Variants in MREG observed in about 807,000 individuals in gnomAD.
MREG encodes the protein dilute suppressor protein homolog.
A neutral mutation model predicts 28.5 loss-of-function variants in MREG; 31 were observed. That is an observed-to-expected ratio of 1.09 (90% CI 0.82 to 1.47). The LOEUF is 1.47. Ranked by LOEUF, MREG falls within the 40% of genes most tolerant of loss-of-function variation. The probability of loss-of-function intolerance (pLI) is 0.00; values close to 1 mark genes in which losing one functional copy is unlikely to be tolerated. For missense variants in MREG, 256 were observed against 257.4 expected, an observed-to-expected ratio of 0.99 and a Z score of 0.04; for synonymous variants, 106 against 95.2, an observed-to-expected ratio of 1.11 and a Z score of -0.66.
chr2:216,017,193 G>T (rs1694461740), upstream of MREG, among the ~76,000 whole-genome samples: 1 of 152,174 alleles, frequency 6.6e-6, no homozygotes, highest in Non-Finnish European at 1.5e-5. Context: ...TAAAAGGCGT[G>T]CAGCATCTAT....
intron 1 of MREG, among the ~76,000 whole-genome samples, chr2:216,029,899 T>G (rs1694653853): frequency 1.3e-5 from 2 of 152,162 alleles, no homozygotes; most frequent in African/African-American, 4.8e-5. Flanking sequence ...GCAAACCAAA[T>G]GTTTGTAGCC....
At chr2:216,027,361 A>G (rs1345161098) in intron 1 of MREG, among the ~76,000 whole-genome samples, 1 of 152,230 alleles carries the variant, frequency 6.6e-6, no homozygotes, top group African/African-American at 2.4e-5. Context: ...AAGCTCTCTA[A>G]GAGAAATTTA....
chr2:215,993,028 T>C (rs951370076), intron 2 of MREG, among the ~76,000 whole-genome samples: 1 of 152,238 alleles, frequency 6.6e-6, no homozygotes, highest in South Asian at 2.1e-4. Context: ...CCCATCAAGC[T>C]ACCACTGACT....
At chr2:215,985,174 A>G (rs56389480) in intron 2 of MREG, among the ~76,000 whole-genome samples, 8,604 of 152,288 alleles carry the variant, frequency 0.056, 501 homozygotes, top group African/African-American at 0.15. Context: ...TTTCATTATT[A>G]TTAATATCTT....
At chr2:215,964,171 A>G (rs909350685) in intron 2 of MREG, among the ~76,000 whole-genome samples, 1 of 152,200 alleles carries the variant, frequency 6.6e-6, no homozygotes, top group Non-Finnish European at 1.5e-5. Context: ...TGATACAAAT[A>G]TACCAAGGGG....
intron 1 of MREG, among the ~76,000 whole-genome samples, chr2:216,025,236 C>T (rs781520356): frequency 2.0e-5 from 3 of 152,126 alleles, no homozygotes; most frequent in Non-Finnish European, 4.4e-5. Context: ...CCCACTGATA[C>T]CCAGAAGAGG....
chr2:215,988,706 G>C (rs986894803), intron 2 of MREG, among the ~76,000 whole-genome samples: 2 of 152,198 alleles, frequency 1.3e-5, no homozygotes, highest in South Asian at 2.1e-4. Flanking sequence ...GCTTGGTTGG[G>C]GGAGGGGCAT....
chr2:215,980,561 T>C (rs912162840), intron 2 of MREG, among the ~76,000 whole-genome samples: 2 of 152,236 alleles, frequency 1.3e-5, no homozygotes, highest in Admixed American at 1.3e-4. Context: ...TCAGTGCATC[T>C]ACTTTATGCA....
At chr2:215,980,622 A>C (rs1291397067) in intron 2 of MREG, among the ~76,000 whole-genome samples, 1 of 152,066 alleles carries the variant, frequency 6.6e-6, no homozygotes, top group Non-Finnish European at 1.5e-5. Context: ...TTATTGAGCA[A>C]TTTGGAGGTT....
chr2:215,980,838 CA>C (rs2106000413), intron 2 of MREG, among the ~76,000 whole-genome samples: 1 of 109,514 alleles, frequency 9.1e-6, no homozygotes, highest in East Asian at 2.9e-4. Context: ...GGAAGAGAAG[CA>C]GAGAGGAGGG....
chr2:215,970,018 A>G (rs1021655738), intron 2 of MREG, among the ~76,000 whole-genome samples: 6 of 152,238 alleles, frequency 3.9e-5, no homozygotes, highest in Non-Finnish European at 8.8e-5. Context: ...TATCAATTGC[A>G]TGCCTATCAT....
At chr2:216,000,312 C>T (rs1693984419) in intron 1 of MREG, among the ~76,000 whole-genome samples, 1 of 147,268 alleles carries the variant, frequency 6.8e-6, no homozygotes, top group African/African-American at 2.5e-5. Context: ...TTATATAACT[C>T]AACATCCAAA....
At position 215,983,474 on chromosome 2, in the gene MREG, GA is replaced by G. The variant is rs1693483566; in HGVS notation, c.255+12831del. The stretch of plus-strand genomic sequence containing the variant: ...CTAAGTGTATGACCCAGACATTGGA[GA>G]CAGCCCCTGGGGGAAGGTCTGTTCC... On this transcript the variant is annotated intron_variant, in intron 2 of 4. Transcript: ENST00000263268. 2.6e-5 allele frequency among the ~76,000 whole-genome samples: 4 copies of G among 152,200 alleles called. No homozygotes were observed. In the South Asian group the frequency reaches 8.3e-4, roughly 31 times the overall value.
chr2:215,963,852 C>T (rs1692866290), intron 2 of MREG, among the ~76,000 whole-genome samples: 1 of 151,968 alleles, frequency 6.6e-6, no homozygotes, highest in Non-Finnish European at 1.5e-5. Flanking sequence ...GATAACTACA[C>T]CTAGACAAAC....
At chr2:215,997,962 G>A (rs1263101249) in intron 1 of MREG, among the ~76,000 whole-genome samples, 3 of 152,164 alleles carry the variant, frequency 2.0e-5, no homozygotes, top group African/African-American at 4.8e-5. Context: ...AGGGGCTCCA[G>A]CCCTAGAGTG....
chr2:215,940,852 C>A (rs559303678), downstream of MREG, among the ~76,000 whole-genome samples: 1 of 151,974 alleles, frequency 6.6e-6, no homozygotes, highest in Non-Finnish European at 1.5e-5. Flanking sequence ...TGTGTGTGTG[C>A]GCGCGTGTGT....
In MREG at chr2:215,966,231, G is replaced by A. The variant is rs111913314; in HGVS notation, c.256-19118C>T. ...GAGCCTCTCAATAGCCTGCCTCTTC[G>A]GAATTATTAGTAAAGCTTAATGATG... On this transcript the variant is annotated intron_variant, in intron 2 of 4. Transcript: ENST00000263268. Among the ~76,000 whole-genome samples, 1,513 of 152,190 alleles carry A rather than the reference G, an allele frequency of 9.9e-3. 24 individuals carry two copies. Among genetic ancestry groups the A allele is most frequent in the African/African-American group, 0.033 (1,373 of 41,510 alleles).
intron 2 of MREG, among the ~76,000 whole-genome samples, chr2:215,961,143 G>T (rs1391810781): frequency 6.6e-6 from 1 of 152,240 alleles, no homozygotes; most frequent in Non-Finnish European, 1.5e-5. Flanking sequence ...TGGAGGCCAG[G>T]AGAGGCCTGT....
intron 2 of MREG, among the ~76,000 whole-genome samples, chr2:215,977,469 A>G (rs886505197): frequency 6.6e-6 from 1 of 152,216 alleles, no homozygotes; most frequent in African/African-American, 2.4e-5. Flanking sequence ...TAGACAGATC[A>G]ACGAGACAGA....
Sources: allele counts gnomAD v4.1 joint callset (sites outside exome capture counted in the v4.1 genomes callset), GRCh38; gene constraint gnomAD v4.1.1; transcripts MANE v1.5; gene names NCBI Gene and HGNC (gene_info 2026-07-23, HGNC 2026-07-21).